CLEC12A: variants seen among roughly 807,000 people sequenced by gnomAD.
CLEC12A encodes C-type lectin protein CLL-1.
A neutral mutation model predicts 26.5 loss-of-function variants in CLEC12A; 22 were observed. That is an observed-to-expected ratio of 0.83 (90% CI 0.59 to 1.19). The LOEUF is 1.19. CLEC12A is among the 50% of genes most tolerant of loss of function. The pLI, the probability that CLEC12A is intolerant of heterozygous loss-of-function variation, is 0.00. For missense variants in CLEC12A, 353 were observed against 315.6 expected (o/e 1.12, Z -0.90); for synonymous variants, 119 against 101.9 (o/e 1.17, Z -1.01).
At chr12:9,960,496 C>A (rs952600681) in intron 1 of CLEC12A, among the ~76,000 whole-genome samples, 3 of 152,122 alleles carry the variant, frequency 2.0e-5, no homozygotes, top group Admixed American at 1.3e-4. Flanking sequence ...AATAAAAGTA[C>A]CCAGATCATA....
intron 1 of CLEC12A, among the ~76,000 whole-genome samples, chr12:9,958,969 A>G (rs956795561): frequency 6.6e-6 from 1 of 152,196 alleles, no homozygotes; most frequent in Non-Finnish European, 1.5e-5. Context: ...ACACAGACAT[A>G]TAACTTAGAA....
downstream of CLEC12A, among the ~76,000 whole-genome samples, chr12:9,998,013 A>T (rs1019461793): frequency 6.6e-6 from 1 of 152,018 alleles, no homozygotes. Context: ...TTTTAAAAAT[A>T]GTTTGGATCC....
intron 4 of CLEC12A, chr12:9,992,690 T>C (rs1326548612): frequency 2.0e-5 from 3 of 152,902 alleles, no homozygotes; most frequent in Admixed American, 6.5e-5. Flanking sequence ...TTAATTGACA[T>C]CTAAATTATT....
At chr12:9,980,454 A>G (rs930363854) in intron 3 of CLEC12A, 128 bp from the exon 4 acceptor site, 6 of 971,052 alleles carry the variant, frequency 6.2e-6, no homozygotes, top group Admixed American at 2.6e-5. Context: ...AAAAAGGGGG[A>G]AAGAGAGAAA....
At chr12:9,965,880 G>A (rs905881479) in intron 1 of CLEC12A, among the ~76,000 whole-genome samples, 9 of 152,100 alleles carry the variant, frequency 5.9e-5, no homozygotes, top group East Asian at 1.9e-4. Context: ...AGGATCAGTC[G>A]CTAAGGAGGC....
At chr12:9,953,225 G>A (rs1458775641) in intron 1 of CLEC12A, 1 of 123,766 alleles carries the variant, frequency 8.1e-6, no homozygotes, top group Admixed American at 7.8e-5. Flanking sequence ...CGTCCAGGAG[G>A]TGAGGGGCGC....
intron 5 of CLEC12A, among the ~76,000 whole-genome samples, chr12:9,983,271 T>C (rs1490326273): frequency 6.6e-6 from 1 of 152,126 alleles, no homozygotes; most frequent in African/African-American, 2.4e-5. Flanking sequence ...ATGGGCATTT[T>C]TGAATGAAAA....
At position 9,971,414 on chromosome 12, in the gene CLEC12A, A is replaced by G; in HGVS notation, c.-183A>G. ...TGAAGCCACAGATGAGATTTGGCTC[A>G]TTTGCAGACATATGGGTGATTGGTA... is the stretch of plus-strand genomic sequence containing the variant. On this transcript the variant is annotated 5_prime_UTR_variant, in exon 1 of 6. Coordinates refer to ENST00000304361, the MANE Select transcript of CLEC12A (RefSeq NM_138337.6). The G allele has an allele frequency of 8.2e-7, 1 of 1,225,214 alleles. No homozygotes were observed. The highest frequency in any genetic ancestry group is 1.0e-6 in the Non-Finnish European group (1 of 979,256). The allele number at this position is 1,225,214 out of a possible 1,614,324, so 75.9% of individuals were successfully genotyped here. A position where few individuals can be genotyped will look rare whatever the true frequency, so the allele number is the denominator to read the frequency against.
intron 1 of CLEC12A, among the ~76,000 whole-genome samples, chr12:9,965,512 G>A (rs1452007927): frequency 6.6e-6 from 1 of 151,034 alleles, no homozygotes; most frequent in African/African-American, 2.4e-5. Flanking sequence ...AGTGAAGAGA[G>A]GCTGGGATGA....
intron 1 of CLEC12A, among the ~76,000 whole-genome samples, chr12:9,952,313 G>C (rs1208222400): frequency 6.6e-6 from 1 of 150,406 alleles, no homozygotes; most frequent in Non-Finnish European, 1.5e-5. Flanking sequence ...AGCCTGCCGA[G>C]TGCCTGCGAT....
downstream of CLEC12A, among the ~76,000 whole-genome samples, chr12:9,997,470 G>A (rs584856): frequency 0.54 from 82,637 of 151,808 alleles, 22,832 homozygotes; most frequent in South Asian, 0.72. Flanking sequence ...CAGAACTGAC[G>A]CCTGAGGGTT....
downstream of CLEC12A, chr12:9,996,983 G>C (rs745307443): frequency 1.2e-5 from 19 of 1,613,814 alleles, no homozygotes; most frequent in Non-Finnish European, 1.4e-5. Context: ...GTGTCACAGG[G>C]GCTGCATTTA....
At position 9,955,645 on chromosome 12, in the gene CLEC12A, A is replaced by G. The variant is rs190294374; in HGVS notation, c.10+4289A>G. ...AAAGGGTTTCAATACAGAAAGTTAA[A>G]TGATGTAAAAACCTTAATTCCTTTA... On this transcript the variant is annotated intron_variant, in intron 1 of 6. Coordinates refer to the CLEC12A transcript ENST00000355690. 1.9e-3 allele frequency among the ~76,000 whole-genome samples: 287 copies of G among 152,336 alleles called. 1 individual carries two copies. The highest frequency in any genetic ancestry group is 6.6e-3 in the African/African-American group (275 of 41,582).
intron 4 of CLEC12A, among the ~76,000 whole-genome samples, chr12:9,994,833 G>GCACA (rs34982294): frequency 0.023 from 3,500 of 150,864 alleles, 56 homozygotes; most frequent in Non-Finnish European, 0.036. Flanking sequence ...GTGCATGCGC[G>GCACA]CACACACACA....
At position 9,984,940 on chromosome 12, in the gene CLEC12A, T is replaced by A; in HGVS notation, c.712T>A (p.Tyr238Asn). ...GYINRLYVQY[Y>N]HCTYKKRMIC... ...TATAAATAGACTATATGTTCAATAT[T>A]ATCACTGCACTTATAAAAAAAGAAT... Residue 238 changes from tyrosine to asparagine, a missense_variant, in exon 6 of 6, where the codon TAT becomes AAT. Tyr to Asn is a moderately radical substitution (Grantham distance 143). Transcript: ENST00000304361. The A allele has an allele frequency of 6.3e-7, 1 of 1,579,566 alleles. No homozygotes were observed. The highest frequency in any genetic ancestry group is 8.6e-7 in the Non-Finnish European group (1 of 1,159,596).
At chr12:9,965,166 A>T (rs1469421304) in intron 1 of CLEC12A, among the ~76,000 whole-genome samples, 5 of 152,296 alleles carry the variant, frequency 3.3e-5, no homozygotes, top group African/African-American at 1.2e-4. Flanking sequence ...GCATGCAGAC[A>T]TGAGGGCTAG....
chr12:9,985,999 C>G (rs1864756404), downstream of CLEC12A: 2 of 233,748 alleles, frequency 8.6e-6, no homozygotes, highest in South Asian at 8.6e-5. Flanking sequence ...ATCTTCTGCC[C>G]CCTCCTCTTC....
chr12:9,996,871 A>C, downstream of CLEC12A: 1 of 1,614,102 alleles, frequency 6.2e-7, no homozygotes. Context: ...GTCAATCTTC[A>C]GGAGAGTAGC....
At chr12:9,966,459 G>C (rs1003111409), upstream of CLEC12A, among the ~76,000 whole-genome samples, 1 of 152,182 alleles carries the variant, frequency 6.6e-6, no homozygotes, top group Non-Finnish European at 1.5e-5. Context: ...TGCACAGATG[G>C]GACATGGCTT....
Sources: allele counts gnomAD v4.1 joint callset (sites outside exome capture counted in the v4.1 genomes callset), GRCh38; gene constraint gnomAD v4.1.1; transcripts MANE v1.5; gene names NCBI Gene and HGNC (gene_info 2026-07-23, HGNC 2026-07-21).